KIAA0586: variants seen among roughly 807,000 people sequenced by gnomAD.
KIAA0586 encodes the protein KIAA0586, also known as protein TALPID3.
In KIAA0586, 144 loss-of-function variants were observed where a neutral mutation model predicts 169.8. The ratio of observed to expected loss-of-function variants is 0.85; its 90% CI spans 0.74 to 0.97. The LOEUF (loss-of-function observed/expected upper bound fraction) is 0.97. Ranked by LOEUF, KIAA0586 falls within the 50% of genes least tolerant of loss-of-function variation. KIAA0586 has a pLI of 0.00. For synonymous variants in KIAA0586, 625 were observed against 612.4 expected (o/e 1.02, Z -0.30); for missense variants, 1,854 against 1,823.0 (o/e 1.02, Z -0.31).
At chr14:58,547,003 A>C (rs2047022823) in intron 30 of KIAA0586, among the ~76,000 whole-genome samples, 1 of 152,180 alleles carries the variant, frequency 6.6e-6, no homozygotes, top group Non-Finnish European at 1.5e-5. Context: ...CTGTTGGCTA[A>C]TAGCATAGCA....
chr14:58,456,942 T>C (rs1422399092), intron 10 of KIAA0586, 132 bp downstream of exon 10: 1 of 614,698 alleles, frequency 1.6e-6, no homozygotes, highest in Non-Finnish European at 2.9e-6. Flanking sequence ...CAGCCACATC[T>C]GTTCCATTTA....
intron 25 of KIAA0586, among the ~76,000 whole-genome samples, chr14:58,491,207 T>G (rs1245566620): frequency 1.3e-5 from 2 of 152,196 alleles, no homozygotes; most frequent in South Asian, 2.1e-4. Flanking sequence ...TTATTTAAAG[T>G]AAATAGCTAA....
intron 13 of KIAA0586, 28 bp downstream of exon 13, chr14:58,460,098 T>C: frequency 8.0e-7 from 1 of 1,256,304 alleles, no homozygotes; most frequent in African/African-American, 1.5e-5. Context: ...TCTTTTAACA[T>C]AATTGTTGTG....
At chr14:58,547,660 A>C in intron 30 of KIAA0586, 121 bp from the exon 31 acceptor site, 2 of 858,710 alleles carry the variant, frequency 2.3e-6, no homozygotes, top group Non-Finnish European at 3.7e-6. Context: ...AGTCCCTTGT[A>C]GGCAATCCTT....
At chr14:58,484,924 A>AAAAATATATATTTTTTT (rs2042328590) in intron 21 of KIAA0586, among the ~76,000 whole-genome samples, 1 of 13,048 alleles carries the variant, frequency 7.7e-5, no homozygotes, top group Non-Finnish European at 1.3e-4. Context: ...ATATATATAT[A>AAAAATATATATTTTTTT]TTTTTTTTTT....
chr14:58,432,241 A>T, intron 3 of KIAA0586, 147 bp from the exon 4 acceptor site: 2 of 571,140 alleles, frequency 3.5e-6, no homozygotes, highest in South Asian at 2.4e-5. Context: ...TTAATCACTT[A>T]ATTTGTTCCT....
chr14:58,540,143 T>G lies in KIAA0586; in HGVS notation c.4495+7T>G. 1 of 1,511,922 alleles carries G rather than the reference T, an allele frequency of 6.6e-7. No individual in the cohort carries two copies. The highest frequency in any genetic ancestry group is 9.0e-7 in the Non-Finnish European group (1 of 1,110,978). 93.7% of individuals were successfully genotyped at this position (1,511,922 alleles called of 1,614,324 possible). A position where few individuals can be genotyped will look rare whatever the true frequency, so the allele number is the denominator to read the frequency against. On this transcript the variant is annotated splice_region_variant and intron_variant, in intron 30 of 30. Transcript: ENST00000652326. The stretch of plus-strand genomic sequence containing the variant: ...CTCACATGTGTATTTTCAGGTAAGA[T>G]TTTTACTTTAAAAGTTCTTGAACTT...
rs751988540 is a variant in KIAA0586, at chr14:58,488,051, C to T, written c.3469C>T (p.Leu1157=). 6.2e-7 allele frequency: 1 copy of T among 1,610,484 alleles called. No individual in the cohort carries two copies. The highest frequency in any genetic ancestry group is 1.3e-5 in the African/African-American group (1 of 74,866). The change falls in exon 23 of 31, where the codon CTG becomes TTG. Residue 1157 remains leucine, a synonymous_variant. Transcript: ENST00000652326. ...ELPKPWGDGD[L]PLEEENPNSP... ...TCCCAAGCCATGGGGTGATGGAGAC[C>T]TGCCACTGGAAGAAGAGAACCCTAA...
chr14:58,444,448 G>A (rs1310612548), intron 6 of KIAA0586, among the ~76,000 whole-genome samples: 4 of 151,944 alleles, frequency 2.6e-5, no homozygotes, highest in Non-Finnish European at 5.9e-5. Context: ...TTTTGAGATG[G>A]AGTTTGCTAT....
chr14:58,459,360 G>A (rs1286176105), intron 12 of KIAA0586, among the ~76,000 whole-genome samples: 1 of 152,106 alleles, frequency 6.6e-6, no homozygotes, highest in African/African-American at 2.4e-5. Flanking sequence ...TTGGAGTCTA[G>A]TTTTCGCTCT....
At chr14:58,531,732 A>G (rs1382440585) in intron 29 of KIAA0586, among the ~76,000 whole-genome samples, 2 of 152,216 alleles carry the variant, frequency 1.3e-5, no homozygotes, top group Non-Finnish European at 2.9e-5. Flanking sequence ...ACACATGCAC[A>G]CGTATATTTA....
At chr14:58,537,431 A>G (rs1225794971) in intron 29 of KIAA0586, among the ~76,000 whole-genome samples, 1 of 152,186 alleles carries the variant, frequency 6.6e-6, no homozygotes, top group African/African-American at 2.4e-5. Context: ...TACTTGCTAT[A>G]AACAAGTGGT....
intron 27 of KIAA0586, among the ~76,000 whole-genome samples, chr14:58,506,853 T>G (rs2043985421): frequency 6.6e-6 from 1 of 150,408 alleles, no homozygotes; most frequent in Non-Finnish European, 1.5e-5. Context: ...TTTGAAATAT[T>G]TTTTCAGGCT....
At chr14:58,517,421 A>G (rs909260365) in intron 29 of KIAA0586, among the ~76,000 whole-genome samples, 1 of 152,330 alleles carries the variant, frequency 6.6e-6, no homozygotes, top group South Asian at 2.1e-4. Context: ...TAAAAATTAA[A>G]TACCACTGAA....
At chr14:58,544,639 A>T (rs1179225856) in intron 30 of KIAA0586, among the ~76,000 whole-genome samples, 1 of 152,194 alleles carries the variant, frequency 6.6e-6, no homozygotes, top group Non-Finnish European at 1.5e-5. Context: ...GCTTTTATTC[A>T]TATACTTGCT....
At chr14:58,502,175 G>A (rs1038254070) in intron 27 of KIAA0586, among the ~76,000 whole-genome samples, 1 of 151,568 alleles carries the variant, frequency 6.6e-6, no homozygotes, top group Non-Finnish European at 1.5e-5. Context: ...TCGCTCTGTT[G>A]CCCAGGCTGG....
chr14:58,475,994 A>G (rs904956551), intron 19 of KIAA0586, among the ~76,000 whole-genome samples: 34 of 152,212 alleles, frequency 2.2e-4, no homozygotes, highest in Non-Finnish European at 4.4e-5. Context: ...GCCACTCGGG[A>G]GACTGAGACA....
chr14:58,527,139 A>T (rs1350298199), intron 29 of KIAA0586, among the ~76,000 whole-genome samples: 3 of 152,118 alleles, frequency 2.0e-5, no homozygotes, highest in African/African-American at 7.2e-5. Context: ...ATAAAGCGTG[A>T]AGACAAGAAT....
At chr14:58,430,374 G>T (rs1197095213) in intron 2 of KIAA0586, among the ~76,000 whole-genome samples, 4 of 152,060 alleles carry the variant, frequency 2.6e-5, no homozygotes, top group Non-Finnish European at 1.5e-5. Flanking sequence ...GCTACAAGTG[G>T]CAAACTGGTT....
Sources: allele counts gnomAD v4.1 joint callset (sites outside exome capture counted in the v4.1 genomes callset), GRCh38; gene constraint gnomAD v4.1.1; transcripts MANE v1.5; gene names NCBI Gene and HGNC (gene_info 2026-07-23, HGNC 2026-07-21).